Variants in TTLL4 observed in about 807,000 individuals in gnomAD.
TTLL4 encodes the protein tubulin tyrosine ligase like 4, also known as tubulin monoglutamylase TTLL4.
Under a neutral mutation model 122.7 loss-of-function variants are expected in TTLL4, and 85 were observed. That is an observed-to-expected ratio of 0.69 (90% CI 0.58 to 0.83). TTLL4 has a LOEUF of 0.83. Among genes scored for constraint, TTLL4 ranks in the 40% least tolerant of loss-of-function variants. The pLI is 0.00. For synonymous variants in TTLL4, 553 were observed against 563.0 expected (o/e 0.98, Z 0.25); for missense variants, 1,363 against 1,488.6 (o/e 0.92, Z 1.39).
Position 218,749,303 on chromosome 2 carries a change from A to G in TTLL4, c.2651A>G (p.Tyr884Cys), listed in dbSNP as rs778669071. 3.7e-6 allele frequency: 6 copies of G among 1,614,006 alleles called. No homozygotes were observed. Among genetic ancestry groups the G allele is most frequent in the Admixed American group, 1.7e-5 (1 of 59,992 alleles). The stretch of plus-strand genomic sequence containing the variant: ...CTCAAGATGTATGTGCGACGGCCCT[A>G]TAGCTGCCATGAACTCTTTGGTTTT... ...SLLKMYVRRPYSCHELFGFDI... is the reference protein window; with the variant it reads ...SLLKMYVRRPCSCHELFGFDI... The change falls in exon 14 of 20, where the codon TAT becomes TGT. Residue 884 changes from tyrosine (Y) to cysteine (C), a missense_variant. Physicochemically the swap from Tyr to Cys is radical, Grantham distance 194. This residue lies in a region of TTLL4 where 596 missense variants were observed against 655.8 expected (regional missense o/e 0.91). Transcript: ENST00000392102.
downstream of TTLL4, among the ~76,000 whole-genome samples, chr2:218,759,604 G>T (rs1184630030): frequency 6.6e-6 from 1 of 152,192 alleles, no homozygotes; most frequent in Non-Finnish European, 1.5e-5. Context: ...GGAAGATTCT[G>T]TATCTTGACT....
chr2:218,738,311 C>T lies in TTLL4; in HGVS notation c.635C>T (p.Ser212Phe), dbSNP rs1433758271. The change falls in exon 3 of 20, where the codon TCC becomes TTC. Residue 212 changes from serine to phenylalanine, a missense_variant. By Grantham distance (155) the Ser-to-Phe change is radical. Transcript: ENST00000392102. ...AAGATCCCATCTCCACTCTCTTCCT[C>T]CTATAAGCCCATGCTGAATAATAAT... ...SGKIPSPLSS[S>F]YKPMLNNNSF... 14 of 1,614,092 alleles carry T rather than the reference C, an allele frequency of 8.7e-6. No individual in the cohort carries two copies. Among genetic ancestry groups the T allele is most frequent in the Non-Finnish European group, 1.2e-5 (14 of 1,179,974 alleles).
chr2:218,736,999 G>A (rs1228685147), intron 2 of TTLL4, among the ~76,000 whole-genome samples: 4 of 152,030 alleles, frequency 2.6e-5, no homozygotes, highest in Non-Finnish European at 5.9e-5. Context: ...TCAGGTGCAC[G>A]CCACAATGCC....
chr2:218,728,388 C>G (rs779240944), intron 2 of TTLL4, among the ~76,000 whole-genome samples: 15 of 152,172 alleles, frequency 9.9e-5, no homozygotes, highest in Admixed American at 9.8e-4. Flanking sequence ...AAGCATGCAA[C>G]CTAGATCCCT....
intron 1 of TTLL4, among the ~76,000 whole-genome samples, chr2:218,714,585 A>G (rs1941803636): frequency 6.6e-6 from 1 of 152,120 alleles, no homozygotes; most frequent in Non-Finnish European, 1.5e-5. Flanking sequence ...AGGCCTTACA[A>G]TACAAAGGAC....
At position 218,720,937 on chromosome 2, in the gene TTLL4, G is replaced by A. The variant is rs921596887; in HGVS notation, c.-177-6332G>A. On this transcript the variant is annotated intron_variant, in intron 1 of 19. Coordinates refer to ENST00000392102, the MANE Select transcript of TTLL4 (RefSeq NM_014640.5). ...GCCAAAGATTGAGCTGACTACCAAT[G>A]GCCAGTGATTTATTCAGTCATGCCT... Among the ~76,000 whole-genome samples the A allele has an allele frequency of 2.0e-5, 3 of 152,016 alleles. 1 individual carries two copies. Among genetic ancestry groups the A allele is most frequent in the Non-Finnish European group, 4.4e-5 (3 of 68,012 alleles).
chr2:218,725,563 T>C (rs1942166206), intron 1 of TTLL4, among the ~76,000 whole-genome samples: 1 of 148,368 alleles, frequency 6.7e-6, no homozygotes, highest in Non-Finnish European at 1.5e-5. Flanking sequence ...TTATATTGCC[T>C]TTTTTTTTTG....
chr2:218,723,034 C>T (rs867155559), intron 1 of TTLL4, among the ~76,000 whole-genome samples: 2 of 152,156 alleles, frequency 1.3e-5, no homozygotes, highest in Admixed American at 6.6e-5. Flanking sequence ...TATTTCTTGG[C>T]CCTGACTCTG....
Position 218,751,758 on chromosome 2 carries a change from A to C in TTLL4, c.2928A>C (p.Ala976=), listed in dbSNP as rs1943019939. The change falls in exon 16 of 20, where the codon GCA becomes GCC. Residue 976 remains alanine (A), a synonymous_variant. Coordinates refer to ENST00000392102, the MANE Select transcript of TTLL4 (RefSeq NM_014640.5). ...GAATGGCTCCAGAGCATGTCACTGC[A>C]CAGAAGATGAAGAAAGCCTATTATC... The part of the protein sequence containing the change: ...KCRMAPEHVT[A]QKMKKAYYLT... 6.2e-7 allele frequency: 1 copy of C among 1,613,740 alleles called. No individual in the cohort carries two copies. The highest frequency in any genetic ancestry group is 8.5e-7 in the Non-Finnish European group (1 of 1,179,756).
At chr2:218,724,499 C>T (rs1942130967) in intron 1 of TTLL4, among the ~76,000 whole-genome samples, 1 of 152,180 alleles carries the variant, frequency 6.6e-6, no homozygotes, top group Admixed American at 6.5e-5. Flanking sequence ...TTTTTAAACT[C>T]CCACTTATGA....
intron 2 of TTLL4, among the ~76,000 whole-genome samples, chr2:218,728,250 A>G (rs1380781446): frequency 6.6e-6 from 1 of 152,192 alleles, no homozygotes. Flanking sequence ...TATATAATGA[A>G]ATAATTATAT....
At chr2:218,734,033 A>G (rs1942450183) in intron 2 of TTLL4, among the ~76,000 whole-genome samples, 1 of 152,216 alleles carries the variant, frequency 6.6e-6, no homozygotes, top group African/African-American at 2.4e-5. Flanking sequence ...TCTGGTACCT[A>G]AAGATTAAAG....
At chr2:218,721,962 T>TA (rs56938021) in intron 1 of TTLL4, among the ~76,000 whole-genome samples, 30 of 148,938 alleles carry the variant, frequency 2.0e-4, no homozygotes, top group Middle Eastern at 3.4e-3. Context: ...TGTCTCTATT[T>TA]AAAAAAAAAA....
At chr2:218,721,137 T>C (rs1216548463) in intron 1 of TTLL4, among the ~76,000 whole-genome samples, 1 of 152,164 alleles carries the variant, frequency 6.6e-6, no homozygotes, top group Non-Finnish European at 1.5e-5. Flanking sequence ...TTGTAATAAA[T>C]AGGTAAATGT....
intron 18 of TTLL4, 111 bp from the exon 19 acceptor site, chr2:218,753,473 G>A (rs1295231929): frequency 3.6e-6 from 4 of 1,116,038 alleles, no homozygotes; most frequent in African/African-American, 3.1e-5. Flanking sequence ...GGTAGGGAAG[G>A]GGAGAACCCC....
rs1355676014 is a variant in TTLL4, at chr2:218,753,471, A to C, written c.3259-113A>C. ...TGGGCCCATGCCTGAGGGGTAGGGA[A>C]GGGGAGAACCCCATGATCCATTTAG... On this transcript the variant is annotated intron_variant, in intron 18 of 19. Coordinates refer to ENST00000392102, the MANE Select transcript of TTLL4 (RefSeq NM_014640.5). 15 of 1,091,302 alleles carry C rather than the reference A, an allele frequency of 1.4e-5. No individual in the cohort carries two copies. The South Asian group carries it at 2.0e-4, about 14-fold the overall frequency. 67.6% of individuals were successfully genotyped at this position (1,091,302 alleles called of 1,614,324 possible).
In TTLL4 at chr2:218,752,770, A is replaced by C. The variant is rs545995505; in HGVS notation, c.2984A>C (p.Tyr995Ser). The C allele has an allele frequency of 1.9e-6, 3 of 1,613,972 alleles. No homozygotes were observed. Among genetic ancestry groups the C allele is most frequent in the African/African-American group, 2.7e-5 (2 of 74,958 alleles). ...LTQKIPDQDF[Y>S]ASVLDVLTPD... ...CTGTTCCTTGGACCACAGGACTTCT[A>C]TGCATCTGTGCTGGATGTCCTGACA... The change falls in exon 17 of 20, where the codon TAT becomes TCT. Residue 995 changes from tyrosine (Y) to serine (S), a missense_variant. Tyr to Ser is a moderately radical substitution (Grantham distance 144). Around this residue, in one of 3 missense-constraint regions of TTLL4, gnomAD observed 596 missense variants for 655.8 expected, o/e 0.91. Coordinates refer to ENST00000392102, the MANE Select transcript of TTLL4 (RefSeq NM_014640.5).
intron 2 of TTLL4, among the ~76,000 whole-genome samples, chr2:218,736,669 A>AG (rs1421803396): frequency 1.3e-5 from 2 of 151,790 alleles, no homozygotes; most frequent in African/African-American, 2.4e-5. Flanking sequence ...TGGAATTTAA[A>AG]TCTGTATAGT....
At chr2:218,737,374 C>T (rs1166224647) in intron 2 of TTLL4, among the ~76,000 whole-genome samples, 1 of 152,130 alleles carries the variant, frequency 6.6e-6, no homozygotes, top group Non-Finnish European at 1.5e-5. Context: ...GTAATGAAGC[C>T]AGCTTTGATC....
Sources: gnomAD v4.1 joint callset for allele counts (sites outside exome capture counted in the v4.1 genomes callset) on GRCh38, gnomAD v4.1.1 for gene constraint, gnomAD v4.1.1 regional missense constraint, MANE v1.5 for transcripts, NCBI Gene and HGNC (gene_info 2026-07-23, HGNC 2026-07-21) for gene names.